The following WDR7 variants were observed in gnomAD, a reference collection of about 807,000 sequenced individuals.
The protein encoded by WDR7 is WD repeat domain 7, also known as WD repeat-containing protein 7.
Under a neutral mutation model 169.4 loss-of-function variants are expected in WDR7, and 46 were observed. The ratio of observed to expected loss-of-function variants is 0.27; its 90% CI spans 0.21 to 0.35. The LOEUF (loss-of-function observed/expected upper bound fraction) is 0.35, where lower values mean the gene tolerates loss of function less well. WDR7 is among the 10% of genes least tolerant of loss of function. The pLI is 1.00. For synonymous variants in WDR7, 612 were observed against 666.8 expected, an observed-to-expected ratio of 0.92 and a Z score of 1.27; for missense variants, 1,534 against 1,859.3, an observed-to-expected ratio of 0.83 and a Z score of 3.22.
intron 26 of WDR7, among the ~76,000 whole-genome samples, chr18:56,988,251 G>A (rs2047754071): frequency 1.3e-5 from 2 of 152,142 alleles, no homozygotes; most frequent in Non-Finnish European, 2.9e-5. Context: ...GTGTTGTGAG[G>A]CATAAGGTTC....
the WDR7 span, chr18:57,036,156 C>T: frequency 6.6e-6 from 1 of 152,288 alleles, no homozygotes; most frequent in African/African-American, 2.4e-5. Flanking sequence ...ACTAATATTT[C>T]TGTTATGTTT....
At chr18:56,902,800 A>G (rs1396628188) in intron 21 of WDR7, among the ~76,000 whole-genome samples, 1 of 152,212 alleles carries the variant, frequency 6.6e-6, no homozygotes, top group Admixed American at 6.5e-5. Flanking sequence ...GTAAAAGGTA[A>G]TGAGTGACTT....
intron 25 of WDR7, chr18:56,957,182 G>A (rs754722208): frequency 3.3e-5 from 5 of 152,138 alleles, no homozygotes; most frequent in Non-Finnish European, 7.4e-5. Context: ...CATGTGTGCT[G>A]ACATGAGAGG....
At chr18:56,983,603 A>C (rs2047675955) in intron 26 of WDR7, among the ~76,000 whole-genome samples, 1 of 151,920 alleles carries the variant, frequency 6.6e-6, no homozygotes, top group South Asian at 2.1e-4. Context: ...AGAGAAATAA[A>C]CTCCCTGTCA....
At chr18:56,781,851 C>A in intron 19 of WDR7, 195 bp downstream of exon 19, 2 of 502,946 alleles carry the variant, frequency 4.0e-6, no homozygotes, top group Non-Finnish European at 6.1e-6. Flanking sequence ...AAACAAAAGG[C>A]AAAGGCTGTC....
chr18:56,914,105 C>T (rs2046590550), intron 21 of WDR7, among the ~76,000 whole-genome samples: 1 of 152,230 alleles, frequency 6.6e-6, no homozygotes, highest in African/African-American at 2.4e-5. Flanking sequence ...TGTCCTACCA[C>T]TCTGCCTTGT....
chr18:56,956,816 C>T (rs1248798947), intron 25 of WDR7, among the ~76,000 whole-genome samples: 1 of 152,160 alleles, frequency 6.6e-6, no homozygotes, highest in Admixed American at 6.5e-5. Context: ...ATGTAACCTA[C>T]ATGCATATCC....
chr18:56,725,004 T>C (rs2026411099), intron 13 of WDR7, among the ~76,000 whole-genome samples: 1 of 151,954 alleles, frequency 6.6e-6, no homozygotes, highest in South Asian at 2.1e-4. Flanking sequence ...TATGGCTGCA[T>C]AGTATTCCAT....
chr18:56,723,537 C>T (rs1426593079), intron 13 of WDR7, among the ~76,000 whole-genome samples: 1 of 152,088 alleles, frequency 6.6e-6, no homozygotes, highest in Non-Finnish European at 1.5e-5. Context: ...CTCCAGCTGT[C>T]TTCTGGGTTG....
At chr18:56,976,393 TAAAAG>T (rs907169588) in intron 26 of WDR7, among the ~76,000 whole-genome samples, 18 of 152,174 alleles carry the variant, frequency 1.2e-4, no homozygotes, top group African/African-American at 2.9e-4. Flanking sequence ...CAGGAATTTT[TAAAAG>T]AAAAGAATTA....
chr18:56,712,914 A>ATT (rs2026116209), intron 12 of WDR7, among the ~76,000 whole-genome samples: 1 of 152,184 alleles, frequency 6.6e-6, no homozygotes, highest in Non-Finnish European at 1.5e-5. Flanking sequence ...AAGGAGGGGC[A>ATT]TTGGTGGCCT....
chr18:56,843,557 A>C (rs1303130810), intron 20 of WDR7, among the ~76,000 whole-genome samples: 1 of 152,176 alleles, frequency 6.6e-6, no homozygotes, highest in African/African-American at 2.4e-5. Context: ...GTGTTGATCC[A>C]TTCAACAGAG....
chr18:56,856,271 C>T (rs550591219), intron 20 of WDR7, among the ~76,000 whole-genome samples: 5 of 152,296 alleles, frequency 3.3e-5, no homozygotes, highest in African/African-American at 1.2e-4. Flanking sequence ...CAGTGGCTCA[C>T]GCCTGTAATC....
chr18:56,658,071 A>G (rs900471573), intron 1 of WDR7, among the ~76,000 whole-genome samples: 6 of 152,128 alleles, frequency 3.9e-5, no homozygotes, highest in African/African-American at 1.2e-4. Context: ...TCTTTAAAAT[A>G]TAACATTTCT....
At chr18:56,805,412 T>C (rs192622554) in intron 19 of WDR7, among the ~76,000 whole-genome samples, 31 of 152,316 alleles carry the variant, frequency 2.0e-4, no homozygotes, top group African/African-American at 7.5e-4. Flanking sequence ...TTTGGGGATT[T>C]TAGACTCTAG....
chr18:56,705,666 C>T (rs1427362727), intron 12 of WDR7, among the ~76,000 whole-genome samples: 1 of 152,062 alleles, frequency 6.6e-6, no homozygotes, highest in Admixed American at 6.6e-5. Flanking sequence ...TGGATTTAGG[C>T]GGATCCTGGC....
chr18:57,032,801 TTATATATATATATATA>T (rs56876611), downstream of WDR7: 1,811 of 106,194 alleles, frequency 0.017, 65 homozygotes, highest in African/African-American at 0.048. Flanking sequence ...TATAATTATT[TTATATATATATATATA>T]TATATATATA....
chr18:56,695,087 C>T lies in WDR7; in HGVS notation c.1246C>T (p.Pro416Ser). The change falls in exon 11 of 28, where the codon CCA becomes TCA. Residue 416 changes from proline to serine, a missense_variant. Pro to Ser is a moderately conservative substitution (Grantham distance 74). Coordinates refer to ENST00000254442, the MANE Select transcript of WDR7 (RefSeq NM_015285.3). ...PLKVTASVYI[P>S]AHGRLVCGRE... is the part of the protein sequence containing the mutation. ...TAAAGTAACTGCAAGTGTGTACATA[C>T]CAGCACATGGACGACTTGTTTGTGG... 6.2e-7 allele frequency: 1 copy of T among 1,614,066 alleles called. No homozygotes were observed. The highest frequency in any genetic ancestry group is 1.6e-4 in the Middle Eastern group (1 of 6,062).
At chr18:56,836,580 A>G (rs12965637) in intron 20 of WDR7, among the ~76,000 whole-genome samples, 9,423 of 152,238 alleles carry the variant, frequency 0.062, 1,167 homozygotes, top group East Asian at 0.54. Context: ...TTGAAATCTG[A>G]AACAGACTTA....
Sources: allele counts gnomAD v4.1 joint callset (sites outside exome capture counted in the v4.1 genomes callset), GRCh38; gene constraint gnomAD v4.1.1; transcripts MANE v1.5; gene names NCBI Gene and HGNC (gene_info 2026-07-23, HGNC 2026-07-21).